The following BPIFB1 variants were observed in gnomAD, a reference collection of about 807,000 sequenced individuals.
BPIFB1 encodes the protein BPI fold containing family B member 1.
Under a neutral mutation model 55.1 loss-of-function variants are expected in BPIFB1, and 34 were observed. The ratio of observed to expected loss-of-function variants is 0.62; its 90% CI spans 0.47 to 0.82. The LOEUF (loss-of-function observed/expected upper bound fraction) is 0.82. BPIFB1 is among the 40% of genes least tolerant of loss of function. The probability of loss-of-function intolerance (pLI) is 0.00; values close to 1 mark genes in which losing one functional copy is unlikely to be tolerated. For missense variants in BPIFB1, 532 were observed against 593.1 expected (o/e 0.90, Z 1.07); for synonymous variants, 236 against 245.3 (o/e 0.96, Z 0.35).
In BPIFB1 at chr20:33,301,932, C is replaced by T. The variant is rs558231050; in HGVS notation, c.928-427C>T. ...GGTGACTGACGGGGAAATTGAGGTC[C>T]AGAGGGGGAAAGGGTTGGTCCAACG... On this transcript the variant is annotated intron_variant, in intron 9 of 15. Transcript: ENST00000253354. Among the ~76,000 whole-genome samples, 166 of 152,254 alleles carry T rather than the reference C, an allele frequency of 1.1e-3. 1 individual carries two copies. Among genetic ancestry groups the T allele is most frequent in the South Asian group, 3.3e-3 (16 of 4,820 alleles).
At chr20:33,289,146 C>A (rs1411328532) in intron 3 of BPIFB1, among the ~76,000 whole-genome samples, 1 of 151,984 alleles carries the variant, frequency 6.6e-6, no homozygotes, top group Non-Finnish European at 1.5e-5. Context: ...TTTGGGAGGC[C>A]AAGGTGGGTG....
rs1980358967 is a variant in BPIFB1, at chr20:33,288,876, T to C, written c.251T>C (p.Ile84Thr). 1.2e-6 allele frequency: 2 copies of C among 1,613,066 alleles called. No homozygotes were observed. Among genetic ancestry groups the C allele is most frequent in the Non-Finnish European group, 1.7e-6 (2 of 1,179,836 alleles). ...CTGGTGAACACCGTCCTGAAGCACA[T>C]CATCTGGTGAGTGGAGCAGGACCAC... ...GSLVNTVLKH[I>T]IWLKVITANI... The change falls in exon 3 of 16, where the codon ATC becomes ACC. Residue 84 changes from isoleucine to threonine, a missense_variant. Ile to Thr is a moderately conservative substitution (Grantham distance 89, BLOSUM62 -1). Coordinates refer to ENST00000253354, the MANE Select transcript of BPIFB1 (RefSeq NM_033197.3).
intron 10 of BPIFB1, 94 bp downstream of exon 10, chr20:33,302,506 T>C (rs2146534345): frequency 7.3e-7 from 1 of 1,377,454 alleles, no homozygotes; most frequent in Non-Finnish European, 1.0e-6. Flanking sequence ...TAGTGTTTCA[T>C]TCCAGCACTG....
intron 15 of BPIFB1, 166 bp downstream of exon 15, chr20:33,307,153 C>A: frequency 1.6e-6 from 1 of 630,078 alleles, no homozygotes; most frequent in Non-Finnish European, 2.8e-6. Flanking sequence ...AGAAGGTTGG[C>A]TGTGCTGAGG....
Position 33,289,918 on chromosome 20 carries a change from G to A in BPIFB1, c.291G>A (p.Leu97=). 6.2e-7 allele frequency: 1 copy of A among 1,614,216 alleles called. No individual in the cohort carries two copies. The highest frequency in any genetic ancestry group is 8.5e-7 in the Non-Finnish European group (1 of 1,180,042). The change falls in exon 4 of 16, where the codon CTG becomes CTA. Residue 97 remains leucine, a synonymous_variant. Coordinates refer to ENST00000253354, the MANE Select transcript of BPIFB1 (RefSeq NM_033197.3). ...LKVITANILQ[L]QVKPSANDQE... ...TCATCACAGCTAACATCCTCCAGCT[G>A]CAGGTGAAGCCCTCGGCCAATGACC... is the stretch of plus-strand genomic sequence containing the variant.
chr20:33,291,942 T>A lies in BPIFB1; in HGVS notation c.551T>A (p.Val184Asp). ...SFLVNALAKQVMNLLVPSLPN... is the reference protein window; with the variant it reads ...SFLVNALAKQDMNLLVPSLPN... ...CTGGTGAACGCCTTAGCTAAGCAGG[T>A]CATGAACCTCCTAGTGCCATCCCTG... Residue 184 changes from valine (V) to aspartate (D), a missense_variant, in exon 6 of 16, where the codon GTC becomes GAC. Physicochemically the swap from Val to Asp is radical, Grantham distance 152. Coordinates refer to ENST00000253354, the MANE Select transcript of BPIFB1 (RefSeq NM_033197.3). 1 of 1,614,192 alleles carries A rather than the reference T, an allele frequency of 6.2e-7. No homozygotes were observed. Among genetic ancestry groups the A allele is most frequent in the Non-Finnish European group, 8.5e-7 (1 of 1,180,030 alleles).
At chr20:33,305,014 G>A (rs1980977414) in intron 13 of BPIFB1, 123 bp downstream of exon 13, 1 of 1,120,464 alleles carries the variant, frequency 8.9e-7, no homozygotes. Context: ...TGGGGGGCTG[G>A]CCGGTCTCCA....
chr20:33,287,576 C>T (rs1272766613), intron 2 of BPIFB1, among the ~76,000 whole-genome samples: 1 of 152,208 alleles, frequency 6.6e-6, no homozygotes, highest in Non-Finnish European at 1.5e-5. Flanking sequence ...CTCCCCAGCC[C>T]TCTTTGTAGA....
At chr20:33,284,792 C>T (rs1031459344) in intron 1 of BPIFB1, among the ~76,000 whole-genome samples, 3 of 152,168 alleles carry the variant, frequency 2.0e-5, no homozygotes, top group African/African-American at 4.8e-5. Context: ...TGCCACACCC[C>T]TGTGGAGGGA....
intron 15 of BPIFB1, 37 bp downstream of exon 15, chr20:33,307,024 A>G: frequency 3.2e-6 from 5 of 1,585,942 alleles, no homozygotes; most frequent in Non-Finnish European, 4.3e-6. Flanking sequence ...TGCCCCAGGG[A>G]GGGCACAGCC....
rs1340140039 is a variant in BPIFB1 at position 33,305,966 on chromosome 20, C to T, written c.1255-36C>T. The T allele has an allele frequency of 3.1e-6, 5 of 1,611,104 alleles. No individual in the cohort carries two copies. In the East Asian group the frequency reaches 1.1e-4, roughly 36 times the overall value. On this transcript the variant is annotated intron_variant, in intron 13 of 15. Coordinates refer to ENST00000253354, the MANE Select transcript of BPIFB1 (RefSeq NM_033197.3). The stretch of plus-strand genomic sequence containing the variant: ...ATGATGGGGGGGAACTTCAGATGCT[C>T]AACCAGGGTGACAGTGCCCCTTCTC...
intron 6 of BPIFB1, 93 bp from the exon 7 acceptor site, chr20:33,297,432 A>ACACAGGCCAGGTGGGCTGGG: frequency 7.3e-7 from 1 of 1,375,594 alleles, no homozygotes; most frequent in Non-Finnish European, 1.0e-6. Context: ...CAGCAGTAGG[A>ACACAGGCCAGGTGGGCTGGG]CACAGGCCAG....
In BPIFB1 at chr20:33,309,437, C is replaced by A; in HGVS notation, c.1396-271C>A. On this transcript the variant is annotated intron_variant, in intron 15 of 15. Transcript: ENST00000253354. The surrounding 1 kb of genome is among the most constrained non-coding windows in gnomAD (Gnocchi z 4.4). The stretch of plus-strand genomic sequence containing the variant: ...TAAGTGCAAATCCCACTTCTGCCAC[C>A]TACTGAGTGCGTGACTTTGGAAAGG... 6.6e-6 allele frequency among the ~76,000 whole-genome samples: 1 copy of A among 152,172 alleles called. No individual in the cohort carries two copies. Among genetic ancestry groups the A allele is most frequent in the East Asian group, 1.9e-4 (1 of 5,190 alleles).
In BPIFB1 at chr20:33,302,964, G is replaced by T; in HGVS notation, c.1030G>T (p.Asp344Tyr). 3 of 1,614,140 alleles carry T rather than the reference G, an allele frequency of 1.9e-6. No individual in the cohort carries two copies. The highest frequency in any genetic ancestry group is 2.2e-5 in the South Asian group (2 of 91,082). Residue 344 changes from aspartate to tyrosine, a missense_variant, in exon 11 of 16, where the codon GAC (aspartate) becomes TAC (tyrosine). Physicochemically the swap from Asp to Tyr is radical, Grantham distance 160 (BLOSUM62 -3). Transcript: ENST00000253354. Reference protein sequence around the residue: ...STQIVKILTQDTPEFFIDQGH... With the variant: ...STQIVKILTQYTPEFFIDQGH... ...CCAGATCGTGAAGATCCTAACTCAG[G>T]ACACTCCCGAGTTTTTTATAGACCA...
intron 6 of BPIFB1, among the ~76,000 whole-genome samples, 169 bp from the exon 7 acceptor site, chr20:33,297,356 T>C (rs1323872603): frequency 1.3e-5 from 2 of 152,240 alleles, no homozygotes; most frequent in South Asian, 2.1e-4. Flanking sequence ...CAGGTGGCCC[T>C]GCAGGCTGGG....
chr20:33,297,456 A>C, intron 6 of BPIFB1, 69 bp from the exon 7 acceptor site: 1 of 1,562,098 alleles, frequency 6.4e-7, no homozygotes, highest in Non-Finnish European at 8.8e-7. Flanking sequence ...GGCTGGGCAC[A>C]GCCCGGGGCT....
intron 7 of BPIFB1, chr20:33,299,001 C>G: frequency 4.0e-6 from 1 of 247,978 alleles, no homozygotes; most frequent in Non-Finnish European, 8.1e-6. Flanking sequence ...TGGAGACGGA[C>G]CTTTTTTCTT....
intron 1 of BPIFB1, among the ~76,000 whole-genome samples, chr20:33,285,701 G>C (rs1208285497): frequency 7.0e-6 from 1 of 143,280 alleles, no homozygotes; most frequent in African/African-American, 2.8e-5. Flanking sequence ...CTGGGTGACA[G>C]AGCGAGACTC....
chr20:33,305,842 G>C lies in BPIFB1; in HGVS notation c.1255-160G>C, dbSNP rs555305215. The stretch of plus-strand genomic sequence containing the variant: ...TTCATGCCCCAACCCAGCCCATCTG[G>C]TCCCTGGGAGCCCCCACAGCTCTGA... On this transcript the variant is annotated intron_variant, in intron 13 of 15. Coordinates refer to ENST00000253354, the MANE Select transcript of BPIFB1 (RefSeq NM_033197.3). Among the ~76,000 whole-genome samples the C allele has an allele frequency of 2.0e-5, 3 of 152,114 alleles. No homozygotes were observed. In the East Asian group the frequency reaches 5.8e-4, roughly 29 times the overall value.
Sources: gnomAD v4.1 joint callset for allele counts (sites outside exome capture counted in the v4.1 genomes callset) on GRCh38, gnomAD v4.1.1 for gene constraint, Gnocchi (gnomAD v3.1) non-coding constraint, MANE v1.5 for transcripts, NCBI Gene and HGNC (gene_info 2026-07-23, HGNC 2026-07-21) for gene names.